The following MIA2 variants were observed in gnomAD, a reference collection of about 807,000 sequenced individuals.
The protein encoded by MIA2 is MIA SH3 domain ER export factor 2, also known as melanoma inhibitory activity protein 2.
Under a neutral mutation model 167.8 loss-of-function variants are expected in MIA2, and 127 were observed. That is an observed-to-expected ratio of 0.76 (90% CI 0.66 to 0.88). The LOEUF is 0.88. Ranked by LOEUF, MIA2 falls within the 40% of genes least tolerant of loss-of-function variation. The pLI, the probability that MIA2 is intolerant of heterozygous loss-of-function variation, is 0.00. For missense variants in MIA2, 1,690 were observed against 1,624.7 expected, an observed-to-expected ratio of 1.04 and a Z score of -0.69; for synonymous variants, 552 against 541.9, an observed-to-expected ratio of 1.02 and a Z score of -0.26.
rs547149460 is a variant in MIA2 at position 39,287,249 on chromosome 14, AT to A, written c.2131-3762del. Among the ~76,000 whole-genome samples the A allele has an allele frequency of 7.0e-3, 1,055 of 150,514 alleles. 8 individuals carry two copies. Among genetic ancestry groups the A allele is most frequent in the African/African-American group, 0.02 (801 of 40,986 alleles). On this transcript the variant is annotated intron_variant, in intron 9 of 28. Coordinates refer to ENST00000640607, the MANE Select transcript of MIA2 (RefSeq NM_001329214.4). ...CCACCACGCCCAGTTAATTTTTTGT[AT>A]TTTTTTTGTAGAGATGGTGTTTGGC...
Position 39,348,989 on chromosome 14 carries a change from T to C in MIA2, c.4072+12T>C, listed in dbSNP as rs763830870. The C allele has an allele frequency of 6.2e-7, 1 of 1,607,380 alleles. No individual in the cohort carries two copies. The highest frequency in any genetic ancestry group is 1.1e-5 in the South Asian group (1 of 90,950). ...TGCTCCATTTGCAAGTATGCTTTTT[T>C]AAACTTTTTTTTTAAAGCTCAATAT... On this transcript the variant is annotated intron_variant, in intron 28 of 28. Transcript: ENST00000640607.
At chr14:39,286,611 G>A (rs1344355890) in intron 9 of MIA2, among the ~76,000 whole-genome samples, 1 of 151,922 alleles carries the variant, frequency 6.6e-6, no homozygotes, top group Non-Finnish European at 1.5e-5. Flanking sequence ...TCTACATATA[G>A]GATCATGTCA....
At chr14:39,368,695 T>TG (rs1198948504) in intron 23 of MIA2, among the ~76,000 whole-genome samples, 3 of 151,494 alleles carry the variant, frequency 2.0e-5, no homozygotes, top group Non-Finnish European at 4.4e-5. Context: ...TTTTGTTTTT[T>TG]TTTTTGGTAA....
At chr14:39,366,509 G>A (rs1020719321) in intron 23 of MIA2, among the ~76,000 whole-genome samples, 2 of 152,174 alleles carry the variant, frequency 1.3e-5, no homozygotes, top group Non-Finnish European at 2.9e-5. Flanking sequence ...CAGGGCACGT[G>A]CCAGCGAGTA....
chr14:39,293,111 T>A (rs1269532558), intron 10 of MIA2, among the ~76,000 whole-genome samples, 160 bp from the exon 11 acceptor site: 1 of 152,234 alleles, frequency 6.6e-6, no homozygotes, highest in Non-Finnish European at 1.5e-5. Flanking sequence ...AGAACTTTGC[T>A]GACCACTGCT....
chr14:39,250,035 C>G (rs1170498585), intron 4 of MIA2, among the ~76,000 whole-genome samples: 1 of 152,004 alleles, frequency 6.6e-6, no homozygotes, highest in Non-Finnish European at 1.5e-5. Context: ...GCTTAGAGAC[C>G]TTTTTAGGTT....
intron 3 of MIA2, among the ~76,000 whole-genome samples, chr14:39,243,340 G>C (rs1470124123): frequency 6.6e-6 from 1 of 152,016 alleles, no homozygotes; most frequent in African/African-American, 2.4e-5. Flanking sequence ...CTGTAACTTT[G>C]GGCTGGGATA....
chr14:39,237,694 C>T (rs2053820517), intron 2 of MIA2, among the ~76,000 whole-genome samples: 1 of 151,752 alleles, frequency 6.6e-6, no homozygotes, highest in Non-Finnish European at 1.5e-5. Flanking sequence ...TATGGGATGG[C>T]TAGGCAACCC....
At chr14:39,326,205 A>G (rs1476178401) in intron 24 of MIA2, among the ~76,000 whole-genome samples, 1 of 152,230 alleles carries the variant, frequency 6.6e-6, no homozygotes, top group Non-Finnish European at 1.5e-5. Context: ...TTCAGAACTT[A>G]TGAATTCTTC....
At chr14:39,263,609 T>G (rs1398268902) in intron 6 of MIA2, among the ~76,000 whole-genome samples, 1 of 149,930 alleles carries the variant, frequency 6.7e-6, no homozygotes, top group Non-Finnish European at 1.5e-5. Flanking sequence ...TCCTTTATTT[T>G]CCTTCCTTCC....
intron 9 of MIA2, among the ~76,000 whole-genome samples, chr14:39,282,280 T>C (rs2059066220): frequency 6.6e-6 from 1 of 152,210 alleles, no homozygotes; most frequent in Non-Finnish European, 1.5e-5. Context: ...AAATAAGTTT[T>C]ATTGTGTATA....
intron 13 of MIA2, among the ~76,000 whole-genome samples, chr14:39,298,734 A>G (rs1185377359): frequency 6.7e-6 from 1 of 150,066 alleles, no homozygotes; most frequent in African/African-American, 2.4e-5. Flanking sequence ...TCTTATTGAC[A>G]TCTAAGAGCT....
chr14:39,305,829 G>A (rs1192841673), intron 17 of MIA2, among the ~76,000 whole-genome samples: 1 of 151,882 alleles, frequency 6.6e-6, no homozygotes, highest in African/African-American at 2.4e-5. Flanking sequence ...CCAGCTGCTT[G>A]GGAGGCTGAG....
chr14:39,288,909 G>C lies in MIA2; in HGVS notation c.2131-2110G>C, dbSNP rs562501268. Among the ~76,000 whole-genome samples, 8 of 152,194 alleles carry C rather than the reference G, an allele frequency of 5.3e-5. No homozygotes were observed. In the South Asian group the frequency reaches 1.7e-3, roughly 32 times the overall value. ...TGTTCATCAGAGATATTGACCTGTA[G>C]GTTTGTTTGTTTGTTTATTTATTTA... On this transcript the variant is annotated intron_variant, in intron 9 of 28. Coordinates refer to ENST00000640607, the MANE Select transcript of MIA2 (RefSeq NM_001329214.4).
rs559881583 is a variant in MIA2, at chr14:39,372,616, A to G, written c.2249-14269A>G. On this transcript the variant is annotated intron_variant, in intron 23 of 23. Coordinates refer to the MIA2 transcript ENST00000341502. ...ATGTTTAGTTGAGAAGAGGAATCTA[A>G]GAGTATAGGAAAGGAAAATATCCTT... Among the ~76,000 whole-genome samples the G allele has an allele frequency of 6.7e-4, 102 of 152,348 alleles. 1 individual carries two copies. In the South Asian group the frequency reaches 9.5e-3, roughly 14 times the overall value.
downstream of MIA2, among the ~76,000 whole-genome samples, chr14:39,354,139 C>A (rs543286125): frequency 1.3e-5 from 2 of 152,366 alleles, no homozygotes; most frequent in East Asian, 3.9e-4. Context: ...GGAATCACCA[C>A]AATCACTTCC....
At chr14:39,383,518 G>A (rs1051855627) in intron 23 of MIA2, among the ~76,000 whole-genome samples, 1 of 152,126 alleles carries the variant, frequency 6.6e-6, no homozygotes, top group African/African-American at 2.4e-5. Flanking sequence ...TAACCCTACA[G>A]TGACCTCTAC....
In MIA2 at chr14:39,315,697, GA is replaced by G; in HGVS notation, c.3201del (p.Ala1068HisfsTer18). The part of the protein sequence containing the change: ...SYQGQIISHE[K>X]KAHDNWLAAR... ...TTCTTTTTCAGATTATTTCCCATGA[GA>G]AAAAAGCACATGATAATTGGGTAAG... is the stretch of plus-strand genomic sequence containing the variant. On this transcript the variant is annotated frameshift_variant, in exon 21 of 29. Coordinates refer to ENST00000640607, the MANE Select transcript of MIA2 (RefSeq NM_001329214.4). LOFTEE classifies it high-confidence loss of function. 1 of 1,554,210 alleles carries G rather than the reference GA, an allele frequency of 6.4e-7. No homozygotes were observed.
At chr14:39,375,190 T>TA (rs1328360769) in intron 23 of MIA2, among the ~76,000 whole-genome samples, 1 of 152,258 alleles carries the variant, frequency 6.6e-6, no homozygotes, top group Non-Finnish European at 1.5e-5. Context: ...TGGACAAAGC[T>TA]ATTCCTTCAA....
Sources: allele counts gnomAD v4.1 joint callset (sites outside exome capture counted in the v4.1 genomes callset), GRCh38; gene constraint gnomAD v4.1.1; transcripts MANE v1.5; gene names NCBI Gene and HGNC (gene_info 2026-07-23, HGNC 2026-07-21).